Variants in CEP89 observed in about 807,000 individuals in gnomAD.
CEP89 encodes the protein centrosomal protein 89.
In CEP89, 95 loss-of-function variants were observed where a neutral mutation model predicts 97.6. That is an observed-to-expected ratio of 0.97 (90% CI 0.82 to 1.15). The LOEUF is 1.15. CEP89 is among the 50% of genes most tolerant of loss of function. The probability of loss-of-function intolerance (pLI) is 0.00; values close to 1 mark genes in which losing one functional copy is unlikely to be tolerated. For synonymous variants in CEP89, 354 were observed against 349.1 expected, an observed-to-expected ratio of 1.01 and a Z score of -0.16; for missense variants, 869 against 947.7, an observed-to-expected ratio of 0.92 and a Z score of 1.09.
chr19:32,948,247 T>G lies in CEP89; in HGVS notation c.595+19A>C. ...AAATGTTCTTATATTTTATAAAAAT[T>G]GTGGTTTTTTTTTTCTACCTTTTTG... On this transcript the variant is annotated intron_variant, in intron 5 of 18. Transcript: ENST00000305768. 3 of 1,414,556 alleles carry G rather than the reference T, an allele frequency of 2.1e-6. No homozygotes were observed. Among genetic ancestry groups the G allele is most frequent in the Non-Finnish European group, 2.9e-6 (3 of 1,030,906 alleles). The allele number at this position is 1,414,556 out of a possible 1,614,324, so 87.6% of individuals were successfully genotyped here.
At chr19:32,942,049 A>C (rs1355729774) in intron 5 of CEP89, among the ~76,000 whole-genome samples, 1 of 152,148 alleles carries the variant, frequency 6.6e-6, no homozygotes, top group Non-Finnish European at 1.5e-5. Flanking sequence ...ACAAAATAAA[A>C]TTGGGGGAGC....
chr19:32,894,902 T>C (rs11084681), intron 16 of CEP89, among the ~76,000 whole-genome samples: 49,955 of 152,056 alleles, frequency 0.33, 8,547 homozygotes, highest in African/African-American at 0.37. Flanking sequence ...ACTGGCCCAT[T>C]GACAACACTA....
At chr19:32,893,204 T>C (rs1969571455) in intron 16 of CEP89, among the ~76,000 whole-genome samples, 1 of 151,910 alleles carries the variant, frequency 6.6e-6, no homozygotes, top group African/African-American at 2.4e-5. Context: ...AAAAAAATAT[T>C]CCATGCAACT....
Position 32,959,994 on chromosome 19 carries a change from G to C in CEP89, c.211C>G (p.Pro71Ala), listed in dbSNP as rs1454810531. 1 of 1,614,174 alleles carries C rather than the reference G, an allele frequency of 6.2e-7. No individual in the cohort carries two copies. The highest frequency in any genetic ancestry group is 2.2e-5 in the East Asian group (1 of 44,888). ...LTGRTVAIPQPRQRSRSESDV... is the reference protein window; with the variant it reads ...LTGRTVAIPQARQRSRSESDV... ...CTCTCAGACCGGGACCTCTGGCGAG[G>C]CTGAGGAATAGCAACCGTCCGCCCA... is the stretch of plus-strand genomic sequence containing the variant. Residue 71 changes from proline (P) to alanine (A), a missense_variant, in exon 3 of 19, where the codon CCT (proline) becomes GCT (alanine). Transcript: ENST00000305768.
At chr19:32,897,879 T>G (rs537438770) in intron 16 of CEP89, among the ~76,000 whole-genome samples, 2 of 152,284 alleles carry the variant, frequency 1.3e-5, no homozygotes, top group East Asian at 3.9e-4. Context: ...TTACTTTATT[T>G]TATTACACTG....
At chr19:32,950,808 T>C (rs1970896361) in intron 4 of CEP89, among the ~76,000 whole-genome samples, 1 of 152,100 alleles carries the variant, frequency 6.6e-6, no homozygotes, top group Non-Finnish European at 1.5e-5. Context: ...AATGAATAAC[T>C]GAGTGGCACG....
At position 32,966,385 on chromosome 19, in the gene CEP89, G is replaced by T. The variant is rs776957421; in HGVS notation, c.121C>A (p.Pro41Thr). ...CTTGGTCTCTCTGGAGATGGGTTGG[G>T]GCTGCGGGGAGGAGGTGTGCGTGGC... ...AVPRTPPPRS[P>T]NPSPERPRSA... Residue 41 changes from proline to threonine, a missense_variant, in exon 2 of 19, where the codon CCC (proline) becomes ACC (threonine). Physicochemically the swap from Pro to Thr is conservative, Grantham distance 38. Coordinates refer to ENST00000305768, the MANE Select transcript of CEP89 (RefSeq NM_032816.5). 7 of 1,557,218 alleles carry T rather than the reference G, an allele frequency of 4.5e-6. No individual in the cohort carries two copies. In the Admixed American group the frequency reaches 9.2e-5, roughly 20 times the overall value.
rs1393053373 is a variant in CEP89, at chr19:32,936,299, C to A, written c.667+1332G>T. On this transcript the variant is annotated intron_variant, in intron 7 of 18. Transcript: ENST00000305768. The surrounding 1 kb of genome is among the most constrained non-coding windows in gnomAD (Gnocchi z 4.5). ...CCCTGCCGCCTCAGCCCCCTCCAGA[C>A]TTTGGGCACCCATGAGCACAGGAGG... Among the ~76,000 whole-genome samples the A allele has an allele frequency of 6.6e-6, 1 of 152,172 alleles. No homozygotes were observed. The highest frequency in any genetic ancestry group is 1.5e-5 in the Non-Finnish European group (1 of 68,006).
chr19:32,894,089 G>A (rs909892112), intron 16 of CEP89, among the ~76,000 whole-genome samples: 7 of 152,178 alleles, frequency 4.6e-5, no homozygotes, highest in African/African-American at 1.4e-4. Context: ...TCCCAGTGAC[G>A]CAGGAGGCAG....
Position 32,960,029 on chromosome 19 carries a change from G to A in CEP89, c.176C>T (p.Thr59Ile), listed in dbSNP as rs747776110. ...AGCAACCGTCCGCCCAGTCAATGTT[G>A]TCGCCAGAATGGCTGCTGCCAGAGC... ...RSALAAAILA[T>I]TLTGRTVAIP... The change falls in exon 3 of 19, where the codon ACA becomes ATA. Residue 59 changes from threonine (T) to isoleucine (I), a missense_variant. By Grantham distance (89) the Thr-to-Ile change is moderately conservative. Transcript: ENST00000305768. 1.9e-6 allele frequency: 3 copies of A among 1,614,120 alleles called. No homozygotes were observed. In the Admixed American group the frequency reaches 5.0e-5, roughly 27 times the overall value.
chr19:32,921,825 C>T (rs1970255736), intron 12 of CEP89, among the ~76,000 whole-genome samples: 1 of 152,140 alleles, frequency 6.6e-6, no homozygotes, highest in African/African-American at 2.4e-5. Flanking sequence ...CTGAGCCAGT[C>T]CCACCTGACG....
At chr19:32,919,239 C>T (rs146218855) in intron 12 of CEP89, among the ~76,000 whole-genome samples, 1 of 152,184 alleles carries the variant, frequency 6.6e-6, no homozygotes, top group Non-Finnish European at 1.5e-5. Context: ...TCAGCACAAA[C>T]AAATCCTCTC....
intron 3 of CEP89, among the ~76,000 whole-genome samples, chr19:32,959,237 T>G (rs1971114849): frequency 6.6e-6 from 1 of 151,790 alleles, no homozygotes; most frequent in Non-Finnish European, 1.5e-5. Flanking sequence ...CCAAACATCC[T>G]CTTTCCACTG....
At position 32,936,648 on chromosome 19, in the gene CEP89, T is replaced by C. The variant is rs1014489093; in HGVS notation, c.667+983A>G. 6.6e-6 allele frequency among the ~76,000 whole-genome samples: 1 copy of C among 152,202 alleles called. No individual in the cohort carries two copies. The highest frequency in any genetic ancestry group is 2.4e-5 in the African/African-American group (1 of 41,554). On this transcript the variant is annotated intron_variant, in intron 7 of 18. Transcript: ENST00000305768. The surrounding 1 kb of genome is among the most constrained non-coding windows in gnomAD (Gnocchi z 4.5). ...CTTAGTTGGAGCAGAGCAGATGAGA[T>C]GACCAGCTGCAGAGAGGAGTTCCCC...
At chr19:32,962,266 G>C (rs573843099) in intron 2 of CEP89, among the ~76,000 whole-genome samples, 56 of 152,268 alleles carry the variant, frequency 3.7e-4, no homozygotes, top group African/African-American at 1.2e-3. Flanking sequence ...GCTCTCACAT[G>C]CTCGCTCTCT....
chr19:32,877,237 CTA>C lies in CEP89; in HGVS notation c.*1923_*1924del, dbSNP rs1393532063. 8 of 152,284 alleles carry C rather than the reference CTA, an allele frequency of 5.3e-5. No individual in the cohort carries two copies. The highest frequency in any genetic ancestry group is 1.4e-4 in the African/African-American group (6 of 41,546). The allele number at this position is 152,284 out of a possible 1,614,324, so 9.4% of individuals were successfully genotyped here. A position where few individuals can be genotyped will look rare whatever the true frequency, so the allele number is the denominator to read the frequency against. On this transcript the variant is annotated 3_prime_UTR_variant, in exon 19 of 19. Coordinates refer to ENST00000305768, the MANE Select transcript of CEP89 (RefSeq NM_032816.5). ...AGAGTCATAAAAGAACTATGATTTTCTATCTCACCCTTCCGTCTGGCAATCAA... is the reference window on the plus strand; with the variant it reads ...AGAGTCATAAAAGAACTATGATTTTCTCTCACCCTTCCGTCTGGCAATCAA...
chr19:32,883,151 C>T (rs1334784721), intron 17 of CEP89, among the ~76,000 whole-genome samples: 4 of 151,612 alleles, frequency 2.6e-5, no homozygotes, highest in Non-Finnish European at 5.9e-5. Context: ...CGTGAGACAC[C>T]GCGCCCGGCC....
intron 12 of CEP89, among the ~76,000 whole-genome samples, chr19:32,921,966 T>C (rs1970258696): frequency 6.6e-6 from 1 of 152,204 alleles, no homozygotes; most frequent in African/African-American, 2.4e-5. Flanking sequence ...AAACACTAAA[T>C]ATAACATAGC....
chr19:32,913,168 TATTA>T (rs1030668530), intron 14 of CEP89, among the ~76,000 whole-genome samples: 9 of 148,786 alleles, frequency 6.0e-5, no homozygotes, highest in South Asian at 2.1e-4. Context: ...TAGTTACACA[TATTA>T]ATTATGTATG....
Sources: allele counts gnomAD v4.1 joint callset (sites outside exome capture counted in the v4.1 genomes callset), GRCh38; gene constraint gnomAD v4.1.1; non-coding constraint Gnocchi (gnomAD v3.1); transcripts MANE v1.5; gene names NCBI Gene and HGNC (gene_info 2026-07-23, HGNC 2026-07-21).